HRH2: variants seen among roughly 807,000 people sequenced by gnomAD.
The protein encoded by HRH2 is histamine H2 receptor.
In HRH2, 4 loss-of-function variants were observed where a neutral mutation model predicts 20.1. That is an observed-to-expected ratio of 0.20 (90% CI 0.10 to 0.45). The LOEUF is 0.45. Ranked by LOEUF, HRH2 falls within the 20% of genes least tolerant of loss-of-function variation. The pLI is 0.99. For synonymous variants in HRH2, 197 were observed against 200.7 expected, an observed-to-expected ratio of 0.98 and a Z score of 0.16; for missense variants, 250 against 461.6, an observed-to-expected ratio of 0.54 and a Z score of 4.20.
intron 2 of HRH2, among the ~76,000 whole-genome samples, chr5:175,702,286 A>C (rs1382467178): frequency 6.6e-6 from 1 of 152,224 alleles, no homozygotes; most frequent in Non-Finnish European, 1.5e-5. Flanking sequence ...AAATGGGACA[A>C]ATTTAAAGCA....
intron 2 of HRH2, among the ~76,000 whole-genome samples, chr5:175,701,172 G>T (rs1353863472): frequency 6.6e-6 from 1 of 152,168 alleles, no homozygotes; most frequent in Admixed American, 6.5e-5. Flanking sequence ...TCAGAGCGGG[G>T]CTGAGCAAAG....
At position 175,683,395 on chromosome 5, in the gene HRH2, T is replaced by C. The variant is rs1378811339; in HGVS notation, c.162T>C (p.Asn54=). The C allele has an allele frequency of 5.0e-6, 8 of 1,614,158 alleles. No homozygotes were observed. The highest frequency in any genetic ancestry group is 6.8e-6 in the Non-Finnish European group (8 of 1,180,030). The change falls in exon 2 of 3, where the codon AAT becomes AAC. Residue 54 remains asparagine, a synonymous_variant. Coordinates refer to ENST00000636584, the MANE Select transcript of HRH2 (RefSeq NM_001367711.1). The stretch of plus-strand genomic sequence containing the variant: ...ACCGCCGGCTCCGCAACCTGACCAA[T>C]TGTTTCATCGTGTCCTTGGCTATCA... ...GLNRRLRNLT[N]CFIVSLAITD...
chr5:175,699,724 C>G (rs544239755), intron 2 of HRH2, among the ~76,000 whole-genome samples: 10 of 152,282 alleles, frequency 6.6e-5, no homozygotes, highest in South Asian at 2.1e-4. Flanking sequence ...CAGGCGCCCA[C>G]CACCACGCCC....
At chr5:175,679,768 T>TGG (rs955023982) in intron 1 of HRH2, among the ~76,000 whole-genome samples, 3 of 152,148 alleles carry the variant, frequency 2.0e-5, no homozygotes, top group Admixed American at 6.5e-5. Context: ...GTGCTGCATC[T>TGG]GGGGACATGC....
chr5:175,696,747 C>G (rs1581458165), intron 2 of HRH2, among the ~76,000 whole-genome samples: 1 of 152,338 alleles, frequency 6.6e-6, no homozygotes, highest in East Asian at 1.9e-4. Context: ...CGCCTACTGG[C>G]CGTGTGGCCC....
chr5:175,663,999 G>A (rs1028050457), intron 1 of HRH2, among the ~76,000 whole-genome samples: 4 of 152,322 alleles, frequency 2.6e-5, no homozygotes, highest in East Asian at 1.9e-4. Flanking sequence ...GAGGGTGCGG[G>A]CCTGGCGCCA....
At chr5:175,695,042 G>A (rs1021989444) in intron 2 of HRH2, among the ~76,000 whole-genome samples, 34 of 152,072 alleles carry the variant, frequency 2.2e-4, no homozygotes, top group Admixed American at 4.6e-4. Context: ...CCTGAGTGGC[G>A]GGGCCCGTGC....
At chr5:175,689,030 A>C (rs1204575071) in intron 2 of HRH2, among the ~76,000 whole-genome samples, 1 of 152,126 alleles carries the variant, frequency 6.6e-6, no homozygotes, top group Non-Finnish European at 1.5e-5. Flanking sequence ...GGAGGGCTCC[A>C]GTCACAGCTG....
In HRH2 at chr5:175,683,732, G is replaced by A; in HGVS notation, c.499G>A (p.Gly167Ser). 1 of 1,614,134 alleles carries A rather than the reference G, an allele frequency of 6.2e-7. No homozygotes were observed. Among genetic ancestry groups the A allele is most frequent in the South Asian group, 1.1e-5 (1 of 91,078 alleles). Residue 167 changes from glycine (G) to serine (S), a missense_variant, in exon 2 of 3, where the codon GGC (glycine) becomes AGC (serine). Gly to Ser is a moderately conservative substitution (Grantham distance 56). Coordinates refer to ENST00000636584, the MANE Select transcript of HRH2 (RefSeq NM_001367711.1). ...GAACAGCAGGAACGAGACCAGCAAGGGCAATCATACCACCTCTAAGTGCAA... is the reference window on the plus strand; with the variant it reads ...GAACAGCAGGAACGAGACCAGCAAGAGCAATCATACCACCTCTAAGTGCAA... ...GWNSRNETSK[G>S]NHTTSKCKVQ...
rs543086719 is a variant in HRH2, at chr5:175,673,459, A to C, written c.-525-9250A>C. Among the ~76,000 whole-genome samples the C allele has an allele frequency of 5.3e-5, 8 of 152,270 alleles. No homozygotes were observed. The South Asian group carries it at 1.7e-3, about 32-fold the overall frequency. ...TGATTTATATCCACTTTGTGCCCAC[A>C]ATATGCAGAAAAGACAAGTCTACAG... On this transcript the variant is annotated intron_variant, in intron 1 of 2. Coordinates refer to ENST00000636584, the MANE Select transcript of HRH2 (RefSeq NM_001367711.1).
At chr5:175,707,603 T>A (rs950277210) in intron 2 of HRH2, among the ~76,000 whole-genome samples, 176 bp from the exon 3 acceptor site, 1 of 152,136 alleles carries the variant, frequency 6.6e-6, no homozygotes, top group African/African-American at 2.4e-5. Flanking sequence ...AGGGAAGAAG[T>A]CTTTGTTGCC....
In HRH2 at chr5:175,681,438, G is replaced by A. The variant is rs1487384875; in HGVS notation, c.-525-1271G>A. 2.0e-5 allele frequency among the ~76,000 whole-genome samples: 3 copies of A among 152,128 alleles called. No individual in the cohort carries two copies. Among genetic ancestry groups the A allele is most frequent in the South Asian group, 2.1e-4 (1 of 4,820 alleles). The stretch of plus-strand genomic sequence containing the variant: ...TGAGAGGGGGTTCCGCCATCAACTC[G>A]ATTTCTGCACACACTCAGAGCTCAG... On this transcript the variant is annotated intron_variant, in intron 1 of 2. Transcript: ENST00000636584. This position sits in a 1 kb window ranked among gnomAD's most constrained non-coding sequence, Gnocchi z 4.3.
intron 1 of HRH2, among the ~76,000 whole-genome samples, chr5:175,661,883 G>A (rs1405943541): frequency 1.3e-5 from 2 of 152,156 alleles, no homozygotes; most frequent in Admixed American, 1.3e-4. Context: ...TTAGCCAGGC[G>A]TGATGGCAGG....
chr5:175,669,056 T>C (rs1329749253), intron 1 of HRH2, among the ~76,000 whole-genome samples: 2 of 152,024 alleles, frequency 1.3e-5, no homozygotes, highest in Non-Finnish European at 2.9e-5. Context: ...CATGACTGAG[T>C]GTAGCCTCCA....
At chr5:175,706,630 AAAGGAC>A (rs1481189948) in intron 2 of HRH2, among the ~76,000 whole-genome samples, 38 of 152,358 alleles carry the variant, frequency 2.5e-4, no homozygotes, top group Non-Finnish European at 5.0e-4. Context: ...CTAACATGGT[AAAGGAC>A]GCCCACAGGC....
At chr5:175,661,195 C>G (rs1323977835) in intron 1 of HRH2, among the ~76,000 whole-genome samples, 1 of 152,102 alleles carries the variant, frequency 6.6e-6, no homozygotes, top group African/African-American at 2.4e-5. Flanking sequence ...CCATTCAAAC[C>G]AGATCTTCTA....
chr5:175,701,925 C>T (rs930573244), intron 2 of HRH2, among the ~76,000 whole-genome samples: 2 of 152,168 alleles, frequency 1.3e-5, no homozygotes, highest in South Asian at 2.1e-4. Flanking sequence ...AAAGACGGGC[C>T]GTGGGACCGT....
At position 175,689,918 on chromosome 5, in the gene HRH2, G is replaced by A. The variant is rs566678319; in HGVS notation, c.1076+5609G>A. Among the ~76,000 whole-genome samples the A allele has an allele frequency of 4.6e-5, 7 of 152,354 alleles. No homozygotes were observed. In the South Asian group the frequency reaches 1.5e-3, roughly 32 times the overall value. Reference sequence around the variant, plus strand: ...AGAAGTCAGGGGCACAGCTTGAGGAGCAAGGCTGACTTTGTCTTTTGCTCC... The same window carrying A: ...AGAAGTCAGGGGCACAGCTTGAGGAACAAGGCTGACTTTGTCTTTTGCTCC... On this transcript the variant is annotated intron_variant, in intron 2 of 2. Transcript: ENST00000636584.
chr5:175,683,108 AAAAAC>A lies in HRH2; in HGVS notation c.-125_-121del. 2.3e-6 allele frequency: 3 copies of A among 1,283,154 alleles called. No homozygotes were observed. Among genetic ancestry groups the A allele is most frequent in the Non-Finnish European group, 3.2e-6 (3 of 943,740 alleles). The allele number at this position is 1,283,154 out of a possible 1,614,324, so 79.5% of individuals were successfully genotyped here. A position where few individuals can be genotyped will look rare whatever the true frequency, so the allele number is the denominator to read the frequency against. Reference sequence around the variant, plus strand: ...CCCCTGGCCAAAAAAAAAAAAAAAAAAAAACTGGACACATTTTGGATCTGTTGGGA... The same window carrying A: ...CCCCTGGCCAAAAAAAAAAAAAAAAATGGACACATTTTGGATCTGTTGGGA... On this transcript the variant is annotated 5_prime_UTR_variant, in exon 2 of 3. In the 5' UTR this introduces an upstream ATG that the reference lacks. Transcript: ENST00000636584.
Sources: allele counts gnomAD v4.1 joint callset (sites outside exome capture counted in the v4.1 genomes callset), GRCh38; gene constraint gnomAD v4.1.1; non-coding constraint Gnocchi (gnomAD v3.1); transcripts MANE v1.5; gene names NCBI Gene and HGNC (gene_info 2026-07-23, HGNC 2026-07-21).